The following NRXN1 variants were observed in gnomAD, a reference collection of about 807,000 sequenced individuals.
NRXN1 encodes neurexin 1, also known as neurexin-1.
A neutral mutation model predicts 150.9 loss-of-function variants in NRXN1; 39 were observed. The ratio of observed to expected loss-of-function variants is 0.26; its 90% confidence interval spans 0.20 to 0.34. NRXN1 has a LOEUF of 0.34. Ranked by LOEUF, NRXN1 falls within the 10% of genes least tolerant of loss-of-function variation. The pLI is 1.00. For synonymous variants in NRXN1, 924 were observed against 757.0 expected, an observed-to-expected ratio of 1.22 and a Z score of -3.62; for missense variants, 1,815 against 1,949.9, an observed-to-expected ratio of 0.93 and a Z score of 1.30.
chr2:50,470,186 T>C (rs2089322455), intron 16 of NRXN1, among the ~76,000 whole-genome samples: 1 of 151,628 alleles, frequency 6.6e-6, no homozygotes, highest in Admixed American at 6.6e-5. Context: ...CTTTAAAAAA[T>C]AAAATAAAAT....
intron 13 of NRXN1, among the ~76,000 whole-genome samples, chr2:50,504,516 T>G (rs1468231282): frequency 6.6e-6 from 1 of 152,174 alleles, no homozygotes; most frequent in Middle Eastern, 3.2e-3. Flanking sequence ...CTTTGTATTA[T>G]TTTTGGAACT....
intron 17 of NRXN1, among the ~76,000 whole-genome samples, chr2:50,423,815 G>A (rs1277883245): frequency 6.6e-6 from 1 of 152,118 alleles, no homozygotes; most frequent in African/African-American, 2.4e-5. Context: ...TCAGGAAAGT[G>A]CTTACTATAG....
At chr2:50,907,883 G>T (rs1683946886) in intron 5 of NRXN1, among the ~76,000 whole-genome samples, 1 of 152,084 alleles carries the variant, frequency 6.6e-6, no homozygotes, top group Non-Finnish European at 1.5e-5. Context: ...CGTTGTTTAA[G>T]CTATTACATT....
chr2:50,967,613 T>G (rs1694307607), intron 2 of NRXN1, among the ~76,000 whole-genome samples: 1 of 152,018 alleles, frequency 6.6e-6, no homozygotes, highest in South Asian at 2.1e-4. Flanking sequence ...TGTAATGATT[T>G]TTAGCACAGA....
intron 17 of NRXN1, among the ~76,000 whole-genome samples, chr2:50,388,429 T>A (rs1311339496): frequency 1.3e-5 from 2 of 152,144 alleles, no homozygotes; most frequent in Non-Finnish European, 2.9e-5. Flanking sequence ...ACACTGAGAA[T>A]CCAGTACATG....
chr2:50,644,670 T>C (rs1168539146), intron 5 of NRXN1, among the ~76,000 whole-genome samples: 1 of 151,412 alleles, frequency 6.6e-6, no homozygotes, highest in Non-Finnish European at 1.5e-5. Context: ...AATTATTCAC[T>C]ATTACTCACC....
At chr2:50,231,086 A>T (rs2064895292) in intron 18 of NRXN1, among the ~76,000 whole-genome samples, 1 of 152,126 alleles carries the variant, frequency 6.6e-6, no homozygotes, top group South Asian at 2.1e-4. Flanking sequence ...TAAAAGAACT[A>T]GGAAAGCAAA....
intron 2 of NRXN1, among the ~76,000 whole-genome samples, chr2:50,963,027 T>C (rs1693460843): frequency 6.6e-6 from 1 of 151,696 alleles, no homozygotes; most frequent in Non-Finnish European, 1.5e-5. Flanking sequence ...ACAACAGATT[T>C]TTCCCAAGGA....
intron 17 of NRXN1, among the ~76,000 whole-genome samples, chr2:50,451,243 A>G (rs1000282313): frequency 1.5e-4 from 23 of 152,190 alleles, no homozygotes; most frequent in Non-Finnish European, 1.8e-4. Flanking sequence ...TGCTGGTATT[A>G]CAGGCGTGAG....
chr2:50,160,293 C>T (rs760822102), intron 18 of NRXN1, among the ~76,000 whole-genome samples: 18 of 152,010 alleles, frequency 1.2e-4, no homozygotes, highest in Non-Finnish European at 1.9e-4. Context: ...GTAATCCCAG[C>T]ACTTTGGGAG....
intron 2 of NRXN1, among the ~76,000 whole-genome samples, chr2:50,972,791 G>A (rs1334797746): frequency 6.6e-6 from 1 of 152,112 alleles, no homozygotes. Context: ...CTGACAGGAG[G>A]TGGAGCTCAG....
chr2:50,068,207 T>C (rs1695658270), intron 19 of NRXN1, among the ~76,000 whole-genome samples: 1 of 152,172 alleles, frequency 6.6e-6, no homozygotes, highest in Admixed American at 6.5e-5. Context: ...GTTTGTCCAT[T>C]GTATGCAAAT....
chr2:50,991,321 C>T (rs1053453293), intron 2 of NRXN1, among the ~76,000 whole-genome samples: 11 of 151,918 alleles, frequency 7.2e-5, no homozygotes, highest in Admixed American at 7.2e-4. Context: ...CAATTTTCTG[C>T]AAAGGTGACC....
At chr2:50,251,090 T>C (rs2067019474) in intron 17 of NRXN1, among the ~76,000 whole-genome samples, 1 of 151,808 alleles carries the variant, frequency 6.6e-6, no homozygotes, top group Non-Finnish European at 1.5e-5. Context: ...TTGTATTACA[T>C]ATGTAATACA....
chr2:50,472,593 A>T (rs1352423296), intron 15 of NRXN1, 122 bp from the exon 16 acceptor site: 2 of 708,320 alleles, frequency 2.8e-6, no homozygotes, highest in African/African-American at 1.9e-5. Context: ...TTAATTTATG[A>T]CTAGCTGTTT....
intron 5 of NRXN1, among the ~76,000 whole-genome samples, chr2:50,862,148 G>T (rs1345251039): frequency 1.3e-5 from 2 of 150,634 alleles, no homozygotes; most frequent in Non-Finnish European, 2.9e-5. Flanking sequence ...GTTTCAGTGA[G>T]CAGAGATTGT....
chr2:50,653,849 GATC>G (rs2104578463), intron 5 of NRXN1, among the ~76,000 whole-genome samples: 1 of 151,832 alleles, frequency 6.6e-6, no homozygotes, highest in African/African-American at 2.4e-5. Context: ...ACCTAGCTGT[GATC>G]ATCTTCTCTG....
intron 2 of NRXN1, among the ~76,000 whole-genome samples, chr2:51,010,980 C>T (rs1343275167): frequency 6.6e-6 from 1 of 151,736 alleles, no homozygotes; most frequent in East Asian, 1.9e-4. Flanking sequence ...GCGCTTTTTG[C>T]CTGGGCTGGT....
intron 5 of NRXN1, among the ~76,000 whole-genome samples, chr2:50,700,112 CT>C (rs1454938280): frequency 2.6e-5 from 4 of 152,148 alleles, no homozygotes; most frequent in Non-Finnish European, 5.9e-5. Context: ...ATAAAGGACT[CT>C]TTGCAAGGTT....
Sources: gnomAD v4.1 joint callset for allele counts (sites outside exome capture counted in the v4.1 genomes callset) on GRCh38, gnomAD v4.1.1 for gene constraint, MANE v1.5 for transcripts, NCBI Gene and HGNC (gene_info 2026-07-23, HGNC 2026-07-21) for gene names.